NRCAM: variants seen among roughly 807,000 people sequenced by gnomAD.
NRCAM encodes the protein NgCAM-related cell adhesion molecule.
A neutral mutation model predicts 156.5 loss-of-function variants in NRCAM; 83 were observed. That is an observed-to-expected ratio of 0.53 (90% confidence interval 0.44 to 0.64). The LOEUF (loss-of-function observed/expected upper bound fraction) is 0.64, where lower values mean the gene tolerates loss of function less well. Among genes scored for constraint, NRCAM ranks in the 30% least tolerant of loss-of-function variants. NRCAM has a pLI of 0.00. For missense variants in NRCAM, 1,417 were observed against 1,597.3 expected (o/e 0.89, Z 1.92); for synonymous variants, 538 against 563.9 (o/e 0.95, Z 0.65).
chr7:108,274,864 T>C (rs1206458019), intron 3 of NRCAM, among the ~76,000 whole-genome samples: 2 of 152,248 alleles, frequency 1.3e-5, no homozygotes. Flanking sequence ...AGTATGACAT[T>C]AGCTGTGGGT....
intron 3 of NRCAM, among the ~76,000 whole-genome samples, chr7:108,250,991 C>T (rs956851337): frequency 3.9e-5 from 6 of 152,046 alleles, no homozygotes; most frequent in Admixed American, 3.9e-4. Flanking sequence ...GAAGTATTTT[C>T]GGCCAAAGTA....
At chr7:108,173,886 G>A (rs3801929) in intron 28 of NRCAM, among the ~76,000 whole-genome samples, 15,608 of 152,060 alleles carry the variant, frequency 0.1, 1,413 homozygotes, top group African/African-American at 0.24. Context: ...TTTTTCCAGT[G>A]GAGTGCATAT....
At chr7:108,208,941 A>G (rs547714289) in intron 12 of NRCAM, among the ~76,000 whole-genome samples, 1 of 152,322 alleles carries the variant, frequency 6.6e-6, no homozygotes, top group African/African-American at 2.4e-5. Context: ...TACTCTGTTC[A>G]TTAGTGTCCA....
chr7:108,402,484 A>G (rs2099795531), intron 1 of NRCAM, among the ~76,000 whole-genome samples: 1 of 152,238 alleles, frequency 6.6e-6, no homozygotes, highest in South Asian at 2.1e-4. Flanking sequence ...CATTAGACAC[A>G]TCTGGGAAGA....
rs1012897517 is a variant in NRCAM, at chr7:108,349,165, A to G, written c.-173-36434T>C. On this transcript the variant is annotated intron_variant, in intron 2 of 32. Coordinates refer to ENST00000379028, the MANE Select transcript of NRCAM (RefSeq NM_001037132.4). ...AGAGAGCACTGGTTTGCCAAGTTTT[A>G]GGTTGGTTGTATTGTTATTACTGCT... is the stretch of plus-strand genomic sequence containing the variant. 2.0e-5 allele frequency among the ~76,000 whole-genome samples: 3 copies of G among 152,114 alleles called. No individual in the cohort carries two copies. The East Asian group carries it at 5.8e-4, about 29-fold the overall frequency.
In NRCAM at chr7:108,194,250, C is replaced by T; in HGVS notation, c.1630+12G>A. 1 of 1,611,814 alleles carries T rather than the reference C, an allele frequency of 6.2e-7. No individual in the cohort carries two copies. Among genetic ancestry groups the T allele is most frequent in the Non-Finnish European group, 8.5e-7 (1 of 1,178,306 alleles). ...AGTCATTTAAAAATTAAACACATTACCTCTGCCTTACCTTTGATTTCTAAG... is the reference window on the plus strand; with the variant it reads ...AGTCATTTAAAAATTAAACACATTATCTCTGCCTTACCTTTGATTTCTAAG... On this transcript the variant is annotated intron_variant, in intron 16 of 32. Coordinates refer to ENST00000379028, the MANE Select transcript of NRCAM (RefSeq NM_001037132.4).
At chr7:108,300,676 C>A (rs1369735330) in intron 3 of NRCAM, among the ~76,000 whole-genome samples, 2 of 152,152 alleles carry the variant, frequency 1.3e-5, no homozygotes, top group Admixed American at 6.5e-5. Context: ...TGTATCAGAT[C>A]TGGCTTTGCA....
chr7:108,275,546 G>A (rs906847454), intron 3 of NRCAM, among the ~76,000 whole-genome samples: 1 of 152,208 alleles, frequency 6.6e-6, no homozygotes, highest in Non-Finnish European at 1.5e-5. Flanking sequence ...AGTATTCTCT[G>A]ATGGTAGTTT....
chr7:108,315,143 C>T (rs2098889391), intron 2 of NRCAM, among the ~76,000 whole-genome samples: 1 of 152,024 alleles, frequency 6.6e-6, no homozygotes, highest in Non-Finnish European at 1.5e-5. Context: ...TGTATTTGTG[C>T]AACATGCAAA....
Position 108,238,535 on chromosome 7 carries a change from C to T in NRCAM, c.107-766G>A, listed in dbSNP as rs574084384. Reference sequence around the variant, plus strand: ...GGTTTTTCTGTGACTTTCTTTTCATCATGGTTATGCCTCTTCTCCGTTAGC... The same window carrying T: ...GGTTTTTCTGTGACTTTCTTTTCATTATGGTTATGCCTCTTCTCCGTTAGC... On this transcript the variant is annotated intron_variant, in intron 4 of 32. Transcript: ENST00000379028. Among the ~76,000 whole-genome samples the T allele has an allele frequency of 1.4e-3, 214 of 152,286 alleles. 1 individual carries two copies. The highest frequency in any genetic ancestry group is 0.011 in the South Asian group (53 of 4,826).
At chr7:108,401,380 AAACAAAAAAAATTATCTG>A (rs1363618106) in intron 1 of NRCAM, among the ~76,000 whole-genome samples, 2 of 152,012 alleles carry the variant, frequency 1.3e-5, no homozygotes, top group African/African-American at 4.8e-5. Flanking sequence ...CTCTACAAAC[AAACAAAAAAAATTATCTG>A]GGTGTGGTGG....
At chr7:108,203,197 T>C (rs1192408444) in intron 13 of NRCAM, among the ~76,000 whole-genome samples, 1 of 152,206 alleles carries the variant, frequency 6.6e-6, no homozygotes, top group Non-Finnish European at 1.5e-5. Context: ...CACCCTCCCA[T>C]TACACAATAA....
chr7:108,312,022 A>G (rs887903159), intron 3 of NRCAM, among the ~76,000 whole-genome samples: 1 of 152,220 alleles, frequency 6.6e-6, no homozygotes, highest in African/African-American at 2.4e-5. Context: ...GTTCAGTACT[A>G]TAATAGATGG....
intron 2 of NRCAM, among the ~76,000 whole-genome samples, chr7:108,378,964 A>G (rs1295959262): frequency 1.3e-5 from 2 of 152,300 alleles, no homozygotes; most frequent in East Asian, 3.9e-4. Flanking sequence ...AGGTACAGCT[A>G]GCTGAACCTG....
At chr7:108,329,710 C>T (rs2099106872) in intron 2 of NRCAM, among the ~76,000 whole-genome samples, 1 of 152,110 alleles carries the variant, frequency 6.6e-6, no homozygotes, top group Non-Finnish European at 1.5e-5. Flanking sequence ...CAACATGTAA[C>T]CTAATCTCCT....
chr7:108,319,324 G>C (rs1370102544), intron 2 of NRCAM, among the ~76,000 whole-genome samples: 3 of 152,132 alleles, frequency 2.0e-5, no homozygotes, highest in Non-Finnish European at 4.4e-5. Context: ...CAAATATTTA[G>C]TGACCAACTA....
intron 25 of NRCAM, among the ~76,000 whole-genome samples, chr7:108,178,779 C>G (rs1485068488): frequency 6.6e-6 from 1 of 152,192 alleles, no homozygotes; most frequent in Non-Finnish European, 1.5e-5. Flanking sequence ...AGGATGATGG[C>G]TGGTGGCAGC....
intron 11 of NRCAM, among the ~76,000 whole-genome samples, chr7:108,209,938 C>G (rs2083166249): frequency 6.6e-6 from 1 of 152,044 alleles, no homozygotes; most frequent in Admixed American, 6.5e-5. Context: ...CATGAAGCTA[C>G]TATGTTAATC....
intron 2 of NRCAM, among the ~76,000 whole-genome samples, chr7:108,368,224 A>ACCCCCCCCCCCCCCCCCCCCCCCCC (rs67897117): frequency 1.5e-4 from 14 of 91,064 alleles, no homozygotes; most frequent in South Asian, 5.5e-4. Flanking sequence ...ACACTTTCAT[A>ACCCCCCCCCCCCCCCCCCCCCCCCC]CCCCCCCCCA....
Sources: allele counts gnomAD v4.1 joint callset (sites outside exome capture counted in the v4.1 genomes callset), GRCh38; gene constraint gnomAD v4.1.1; transcripts MANE v1.5; gene names NCBI Gene and HGNC (gene_info 2026-07-23, HGNC 2026-07-21).